The following DGKH variants were observed in gnomAD, a reference collection of about 807,000 sequenced individuals.
DGKH encodes the protein diacylglycerol kinase eta, also known as DAG kinase eta.
DGKH carries 90 observed loss-of-function variants against 159.3 expected under a neutral mutation model. That is an observed-to-expected ratio of 0.57 (90% CI 0.48 to 0.67). The LOEUF (loss-of-function observed/expected upper bound fraction) is 0.67, where lower values mean the gene tolerates loss of function less well. Ranked by LOEUF, DGKH falls within the 30% of genes least tolerant of loss-of-function variation. The pLI is 0.00. For missense variants in DGKH, 1,181 were observed against 1,506.1 expected, an observed-to-expected ratio of 0.78 and a Z score of 3.57; for synonymous variants, 536 against 553.8, an observed-to-expected ratio of 0.97 and a Z score of 0.45.
chr13:42,209,003 A>G lies in DGKH; in HGVS notation c.2646A>G (p.Val882=), dbSNP rs1957573204. 1 of 1,613,042 alleles carries G rather than the reference A, an allele frequency of 6.2e-7. No individual in the cohort carries two copies. The highest frequency in any genetic ancestry group is 8.5e-7 in the Non-Finnish European group (1 of 1,179,456). Residue 882 remains valine, a synonymous_variant, in exon 22 of 30, where the codon GTA becomes GTG. Transcript: ENST00000337343. ...PSFDDKILEV[V]AIFDSMQMAV... is the part of the protein sequence containing the mutation. ...TTGATGACAAGATCCTGGAAGTTGT[A>G]GCAATATTTGATAGCATGCAAATGG...
intron 2 of DGKH, among the ~76,000 whole-genome samples, chr13:42,128,171 A>AT (rs1490809492): frequency 4.6e-5 from 7 of 152,214 alleles, no homozygotes; most frequent in African/African-American, 1.4e-4. Context: ...GACTTAAAAT[A>AT]TTTTTTATAT....
chr13:42,057,840 G>A (rs1347256374), intron 1 of DGKH, among the ~76,000 whole-genome samples: 1 of 152,166 alleles, frequency 6.6e-6, no homozygotes, highest in Non-Finnish European at 1.5e-5. Flanking sequence ...TGTGAGTGGA[G>A]GTGGAGTGGG....
In DGKH at chr13:42,048,784, C is replaced by T. The variant is rs1230456387; in HGVS notation, c.11C>T (p.Ala4Val). The change falls in exon 1 of 30, where the codon GCC becomes GTC. Residue 4 changes from alanine to valine, a missense_variant. By Grantham distance (64) the Ala-to-Val change is moderately conservative (BLOSUM62 0). Coordinates refer to ENST00000337343, the MANE Select transcript of DGKH (RefSeq NM_178009.5). This position sits in a 1 kb window ranked among gnomAD's most constrained non-coding sequence, Gnocchi z 6.7. ...CAGGAGTCGGAGAGGATGGCAGGGG[C>T]CGGAGGCCAGCACCACCCTCCGGGC... MAGAGGQHHPPGAA... is the reference protein window; with the variant it reads MAGVGGQHHPPGAA... 2 of 1,304,312 alleles carry T rather than the reference C, an allele frequency of 1.5e-6. No homozygotes were observed. The highest frequency in any genetic ancestry group is 9.8e-7 in the Non-Finnish European group (1 of 1,021,960). 80.8% of individuals were successfully genotyped at this position (1,304,312 alleles called of 1,614,324 possible). A position where few individuals can be genotyped will look rare whatever the true frequency, so the allele number is the denominator to read the frequency against.
At chr13:42,073,102 G>A (rs1344139397) in intron 1 of DGKH, among the ~76,000 whole-genome samples, 2 of 152,202 alleles carry the variant, frequency 1.3e-5, no homozygotes, top group African/African-American at 4.8e-5. Context: ...AATGGTTCTA[G>A]TTTTGAGAAA....
chr13:42,188,192 T>C (rs1047268645), intron 14 of DGKH, among the ~76,000 whole-genome samples: 1 of 152,250 alleles, frequency 6.6e-6, no homozygotes, highest in African/African-American at 2.4e-5. Context: ...ATTTCTGCTC[T>C]AACCTTGTCT....
At chr13:42,091,783 A>T (rs998939377) in intron 1 of DGKH, among the ~76,000 whole-genome samples, 1 of 152,244 alleles carries the variant, frequency 6.6e-6, no homozygotes. Context: ...GACATTTCTT[A>T]AAAGAAGACA....
rs557699390 is a variant in DGKH at position 42,154,256 on chromosome 13, G to A, written c.385-1035G>A. 2.8e-4 allele frequency among the ~76,000 whole-genome samples: 43 copies of A among 152,276 alleles called. No homozygotes were observed. The South Asian group carries it at 3.5e-3, about 12-fold the overall frequency. On this transcript the variant is annotated intron_variant, in intron 3 of 29. Coordinates refer to ENST00000337343, the MANE Select transcript of DGKH (RefSeq NM_178009.5). Reference sequence around the variant, plus strand: ...AAAATTCTTATTTGGTATATAAATAGGTATGTGCTTTATTCTTTGGAAATA... The same window carrying A: ...AAAATTCTTATTTGGTATATAAATAAGTATGTGCTTTATTCTTTGGAAATA...
intron 3 of DGKH, among the ~76,000 whole-genome samples, chr13:42,145,508 G>A (rs904832960): frequency 2.6e-5 from 4 of 152,088 alleles, no homozygotes; most frequent in African/African-American, 9.7e-5. Flanking sequence ...CCACTGAGAT[G>A]GAACTCAAGG....
chr13:42,078,909 CTT>C (rs55801562), intron 1 of DGKH, among the ~76,000 whole-genome samples: 251 of 93,524 alleles, frequency 2.7e-3, no homozygotes, highest in African/African-American at 0.012. Context: ...GTATATTCTC[CTT>C]TTTTTTTTTT....
intron 18 of DGKH, among the ~76,000 whole-genome samples, chr13:42,198,998 A>G (rs575640486): frequency 6.6e-6 from 1 of 152,190 alleles, no homozygotes; most frequent in East Asian, 1.9e-4. Context: ...AGACTCCTAC[A>G]ATTTTTTGGC....
At position 42,242,557 on chromosome 13, in the gene DGKH, A is replaced by T. The variant is rs1336671578; in HGVS notation, c.*13369A>T. ...CTGTTTACAATGGCATAATTTTAAA[A>T]ATATATACAATTGAGATATTTATTG... is the stretch of plus-strand genomic sequence containing the variant. On this transcript the variant is annotated 3_prime_UTR_variant, in exon 30 of 30. Transcript: ENST00000337343. 6.6e-6 allele frequency: 1 copy of T among 152,206 alleles called. No individual in the cohort carries two copies. Among genetic ancestry groups the T allele is most frequent in the Non-Finnish European group, 1.5e-5 (1 of 68,030 alleles). The allele number at this position is 152,206 out of a possible 1,614,324, so 9.4% of individuals were successfully genotyped here. A position where few individuals can be genotyped will look rare whatever the true frequency, so the allele number is the denominator to read the frequency against.
chr13:42,087,044 AACACACACAC>A (rs71298957), intron 1 of DGKH, among the ~76,000 whole-genome samples: 23 of 140,168 alleles, frequency 1.6e-4, no homozygotes, highest in East Asian at 8.3e-4. Flanking sequence ...CCAGAAGGAA[AACACACACAC>A]ACACACACAC....
At chr13:42,212,308 A>G (rs1482063699) in intron 24 of DGKH, among the ~76,000 whole-genome samples, 18 of 152,340 alleles carry the variant, frequency 1.2e-4, no homozygotes, top group Admixed American at 1.1e-3. Flanking sequence ...ATTAGAATCA[A>G]GTCTTACAAC....
At chr13:42,152,444 T>C (rs1214019536) in intron 3 of DGKH, among the ~76,000 whole-genome samples, 2 of 149,948 alleles carry the variant, frequency 1.3e-5, no homozygotes, top group African/African-American at 4.9e-5. Flanking sequence ...TATATATATA[T>C]ATACATACAC....
intron 23 of DGKH, among the ~76,000 whole-genome samples, chr13:42,210,206 C>T (rs1435349123): frequency 6.6e-6 from 1 of 151,894 alleles, no homozygotes; most frequent in Non-Finnish European, 1.5e-5. Context: ...AGTCCTGCTT[C>T]ATTGCACATG....
In DGKH at chr13:42,178,234, T is replaced by C; in HGVS notation, c.1538+14T>C. 1 of 1,567,078 alleles carries C rather than the reference T, an allele frequency of 6.4e-7. No homozygotes were observed. The highest frequency in any genetic ancestry group is 1.2e-5 in the South Asian group (1 of 83,492). On this transcript the variant is annotated intron_variant, in intron 13 of 29. Transcript: ENST00000337343. Reference sequence around the variant, plus strand: ...ATCTTCTGCCAAGTGAGTTGTGGGTTTTAAGTCTTTAAATATGGTGAAAAT... The same window carrying C: ...ATCTTCTGCCAAGTGAGTTGTGGGTCTTAAGTCTTTAAATATGGTGAAAAT...
chr13:42,251,799 C>G (rs999168109), intron 29 of DGKH, among the ~76,000 whole-genome samples: 1 of 152,180 alleles, frequency 6.6e-6, no homozygotes, highest in Non-Finnish European at 1.5e-5. Context: ...ATATTTTCAT[C>G]TCTATTCCCA....
chr13:42,098,430 C>T (rs868798475), intron 1 of DGKH, among the ~76,000 whole-genome samples: 9 of 151,520 alleles, frequency 5.9e-5, no homozygotes, highest in African/African-American at 1.5e-4. Flanking sequence ...GAGGTTCCAG[C>T]GAGCCAAGAT....
At chr13:42,203,734 G>A (rs1167485616) in intron 20 of DGKH, among the ~76,000 whole-genome samples, 1 of 152,176 alleles carries the variant, frequency 6.6e-6, no homozygotes, top group Non-Finnish European at 1.5e-5. Flanking sequence ...TTGGAAGCCT[G>A]AGGCAGGAGG....
Sources: allele counts gnomAD v4.1 joint callset (sites outside exome capture counted in the v4.1 genomes callset), GRCh38; gene constraint gnomAD v4.1.1; non-coding constraint Gnocchi (gnomAD v3.1); transcripts MANE v1.5; gene names NCBI Gene and HGNC (gene_info 2026-07-23, HGNC 2026-07-21).